Variants in ATXN2 observed in about 807,000 individuals in gnomAD.
ATXN2 encodes ataxin-2.
ATXN2 carries 37 observed loss-of-function variants against 138.6 expected under a neutral mutation model. That is an observed-to-expected ratio of 0.27 (90% confidence interval 0.21 to 0.35). ATXN2 has a LOEUF of 0.35. Among genes scored for constraint, ATXN2 ranks in the 10% least tolerant of loss-of-function variants. The pLI, the probability that ATXN2 is intolerant of heterozygous loss-of-function variation, is 1.00. For missense variants in ATXN2, 1,216 were observed against 1,480.3 expected (o/e 0.82, Z 2.93); for synonymous variants, 549 against 543.7 (o/e 1.01, Z -0.13).
chr12:111,522,535 G>A (rs546481553), intron 6 of ATXN2, among the ~76,000 whole-genome samples: 1 of 151,828 alleles, frequency 6.6e-6, no homozygotes, highest in African/African-American at 2.4e-5. Context: ...GTGTGAACCC[G>A]GGAGGCAGAG....
At chr12:111,582,997 T>C (rs1283793924) in intron 1 of ATXN2, among the ~76,000 whole-genome samples, 2 of 131,386 alleles carry the variant, frequency 1.5e-5, no homozygotes, top group East Asian at 2.2e-4. Flanking sequence ...TTGTTTGTTT[T>C]TTTTTTTTTT....
In ATXN2 at chr12:111,453,850, AAC is replaced by A. The variant is rs754220628; in HGVS notation, c.3271-7_3271-6del. ...CATTCCTGACTGTACATGAGCCTGA[AAC>A]AGAGAGCTCTTTTACGCATACAGGC... On this transcript the variant is annotated splice_region_variant and splice_polypyrimidine_tract_variant and intron_variant, in intron 23 of 24. Coordinates refer to ENST00000673436, the MANE Select transcript of ATXN2 (RefSeq NM_001372574.1). This position sits in a 1 kb window ranked among gnomAD's most constrained non-coding sequence, Gnocchi z 5.4. The A allele has an allele frequency of 6.2e-7, 1 of 1,603,484 alleles. No individual in the cohort carries two copies. Among genetic ancestry groups the A allele is most frequent in the Non-Finnish European group, 8.5e-7 (1 of 1,173,814 alleles).
At chr12:111,581,971 G>C (rs1431064274) in intron 1 of ATXN2, among the ~76,000 whole-genome samples, 1 of 151,404 alleles carries the variant, frequency 6.6e-6, no homozygotes, top group Non-Finnish European at 1.5e-5. Flanking sequence ...AAACACCAGA[G>C]CCATTCCAAC....
chr12:111,564,959 G>C (rs919904660), intron 1 of ATXN2: 2 of 152,178 alleles, frequency 1.3e-5, no homozygotes, highest in African/African-American at 4.8e-5. Flanking sequence ...CTGAACTCAA[G>C]TGATCCTCCT....
chr12:111,578,389 T>G (rs1164844146), intron 1 of ATXN2, among the ~76,000 whole-genome samples: 1 of 152,130 alleles, frequency 6.6e-6, no homozygotes, highest in African/African-American at 2.4e-5. Flanking sequence ...CACTTTTATC[T>G]TTTACGCTGT....
At chr12:111,522,734 G>T (rs1345050382) in intron 6 of ATXN2, among the ~76,000 whole-genome samples, 1 of 151,836 alleles carries the variant, frequency 6.6e-6, no homozygotes. Context: ...CCAACATGTT[G>T]AAACCCTGTC....
At chr12:111,593,175 A>G (rs557097021) in intron 1 of ATXN2, among the ~76,000 whole-genome samples, 5 of 152,018 alleles carry the variant, frequency 3.3e-5, no homozygotes, top group African/African-American at 1.2e-4. Flanking sequence ...CTCCGCACTC[A>G]TTGCAACCTC....
rs1875071434 is a variant in ATXN2 at position 111,456,124 on chromosome 12, T to C, written c.3175A>G (p.Ser1059Gly). 1.2e-6 allele frequency: 2 copies of C among 1,614,192 alleles called. No homozygotes were observed. The highest frequency in any genetic ancestry group is 1.3e-5 in the African/African-American group (1 of 75,042). The change falls in exon 23 of 25, where the codon AGT (serine) becomes GGT (glycine). Residue 1059 changes from serine to glycine, a missense_variant. Ser to Gly is a moderately conservative substitution (Grantham distance 56). This residue lies in a region of ATXN2 where 490 missense variants were observed against 653.5 expected (regional missense o/e 0.75). Transcript: ENST00000673436. Reference protein sequence around the residue: ...PASNTQSPQNSFPAAQQTVFT... With the variant: ...PASNTQSPQNGFPAAQQTVFT... ...ACAGTCTGTTGTGCTGCTGGGAAACTATTCTGTGGCGACTGCGTGTTGGAG... is the reference window on the plus strand; with the variant it reads ...ACAGTCTGTTGTGCTGCTGGGAAACCATTCTGTGGCGACTGCGTGTTGGAG...
intron 14 of ATXN2, among the ~76,000 whole-genome samples, chr12:111,491,429 A>C (rs1057404561): frequency 2.6e-5 from 4 of 152,150 alleles, no homozygotes; most frequent in Admixed American, 2.6e-4. Flanking sequence ...ACCCACTGAG[A>C]CACCAGCTAG....
intron 1 of ATXN2, among the ~76,000 whole-genome samples, chr12:111,576,577 G>A (rs1053518348): frequency 6.6e-6 from 1 of 151,918 alleles, no homozygotes; most frequent in Admixed American, 6.6e-5. Context: ...TCTGCCTCCC[G>A]GGTTCAAGAG....
At chr12:111,495,057 G>A (rs565217457) in intron 14 of ATXN2, among the ~76,000 whole-genome samples, 13 of 152,146 alleles carry the variant, frequency 8.5e-5, no homozygotes, top group Admixed American at 2.0e-4. Context: ...TGTAATCCCA[G>A]GACTTTGGGA....
In ATXN2 at chr12:111,457,039, C is replaced by T. The variant is rs573027397; in HGVS notation, c.3042+175G>A. Among the ~76,000 whole-genome samples, 4 of 152,314 alleles carry T rather than the reference C, an allele frequency of 2.6e-5. No individual in the cohort carries two copies. In the South Asian group the frequency reaches 6.2e-4, roughly 24 times the overall value. On this transcript the variant is annotated intron_variant, in intron 22 of 24. Transcript: ENST00000673436. ...GTGGGATTACAGGCGTGAGCCACTG[C>T]GCCCAGCCTTTAAATGTGATTCTTA...
At chr12:111,494,324 A>C (rs986131225) in intron 14 of ATXN2, among the ~76,000 whole-genome samples, 4 of 151,894 alleles carry the variant, frequency 2.6e-5, no homozygotes, top group Non-Finnish European at 4.4e-5. Context: ...AGTTTTTATT[A>C]GTTTTCTCTT....
intron 5 of ATXN2, among the ~76,000 whole-genome samples, chr12:111,528,516 T>C (rs1880629803): frequency 6.6e-6 from 1 of 152,228 alleles, no homozygotes; most frequent in Admixed American, 6.5e-5. Context: ...TTAATAAATC[T>C]ATTTTTCTCA....
At chr12:111,463,022 A>ATGTG (rs1404823653) in intron 21 of ATXN2, among the ~76,000 whole-genome samples, 6 of 151,776 alleles carry the variant, frequency 4.0e-5, no homozygotes, top group African/African-American at 1.5e-4. Flanking sequence ...GTATGTATGT[A>ATGTG]TCAGCTTATT....
intron 1 of ATXN2, among the ~76,000 whole-genome samples, chr12:111,562,919 A>G (rs2135800816): frequency 6.6e-6 from 1 of 152,246 alleles, no homozygotes; most frequent in African/African-American, 2.4e-5. Flanking sequence ...GACCAAGTGA[A>G]AAATAACTTT....
In ATXN2 at chr12:111,488,538, C is replaced by G; in HGVS notation, c.2178G>C (p.Gln726His). Reference sequence around the variant, plus strand: ...CTTGTTTACATGCTGGGCTGGAAGTCTGAACCCCTTGGGAAGTGACCTCAG... The same window carrying G: ...CTTGTTTACATGCTGGGCTGGAAGTGTGAACCCCTTGGGAAGTGACCTCAG... ...RGPEVTSQGV[Q>H]TSSPACKQEK... Residue 726 changes from glutamine to histidine, a missense_variant, in exon 15 of 25, where the codon CAG (glutamine) becomes CAC (histidine). Gln to His is a conservative substitution (Grantham distance 24, BLOSUM62 0). Transcript: ENST00000673436. The G allele has an allele frequency of 6.2e-7, 1 of 1,614,146 alleles. No homozygotes were observed.
chr12:111,489,060 A>C (rs1433874221), intron 14 of ATXN2, among the ~76,000 whole-genome samples: 1 of 152,204 alleles, frequency 6.6e-6, no homozygotes, highest in Non-Finnish European at 1.5e-5. Context: ...TGGGTGAGAA[A>C]AATATGAAAT....
intron 23 of ATXN2, chr12:111,454,840 C>T (rs1036749063): frequency 4.0e-5 from 21 of 524,498 alleles, no homozygotes; most frequent in Non-Finnish European, 6.9e-5. Flanking sequence ...CACATGCCTA[C>T]TTAGCCACCA....
Sources: gnomAD v4.1 joint callset for allele counts (sites outside exome capture counted in the v4.1 genomes callset) on GRCh38, gnomAD v4.1.1 for gene constraint, gnomAD v4.1.1 regional missense constraint, Gnocchi (gnomAD v3.1) non-coding constraint, MANE v1.5 for transcripts, NCBI Gene and HGNC (gene_info 2026-07-23, HGNC 2026-07-21) for gene names.